Variants in WWP2 observed in about 807,000 individuals in gnomAD.
The protein encoded by WWP2 is NEDD4-like E3 ubiquitin-protein ligase WWP2.
WWP2 carries 57 observed loss-of-function variants against 121.0 expected under a neutral mutation model. That is an observed-to-expected ratio of 0.47 (90% CI 0.38 to 0.59). WWP2 has a LOEUF of 0.59. Ranked by LOEUF, WWP2 falls within the 20% of genes least tolerant of loss-of-function variation. The pLI, the probability that WWP2 is intolerant of heterozygous loss-of-function variation, is 0.00. For missense variants in WWP2, 962 were observed against 1,158.9 expected (o/e 0.83, Z 2.47); for synonymous variants, 449 against 441.3 (o/e 1.02, Z -0.22).
intron 2 of WWP2, among the ~76,000 whole-genome samples, chr16:69,791,445 C>T (rs1476071991): frequency 1.3e-5 from 2 of 152,126 alleles, no homozygotes; most frequent in East Asian, 3.9e-4. Context: ...TCAGGCTGGT[C>T]TCAAACTCCT....
At chr16:69,917,988 GTCTGGCAACGTCAGTGC>G in intron 10 of WWP2, 105 bp downstream of exon 10, 3 of 1,380,114 alleles carry the variant, frequency 2.2e-6, no homozygotes, top group Non-Finnish European at 2.9e-6. Context: ...GGAAAACAGC[GTCTGGCAACGTCAGTGC>G]TCTGCCCCTG....
chr16:69,914,187 C>T lies in WWP2; in HGVS notation c.1005-3522C>T, dbSNP rs144330002. Among the ~76,000 whole-genome samples the T allele has an allele frequency of 6.1e-4, 91 of 149,912 alleles. 2 individuals are homozygous for T. The highest frequency in any genetic ancestry group is 2.0e-3 in the African/African-American group (81 of 40,630). ...AGAATAGTTCTTTAGCAAGAACTTGCGGAATAGCAGGAAAGAACAGAGAAA... is the reference window on the plus strand; with the variant it reads ...AGAATAGTTCTTTAGCAAGAACTTGTGGAATAGCAGGAAAGAACAGAGAAA... On this transcript the variant is annotated intron_variant, in intron 9 of 23. Transcript: ENST00000359154.
At chr16:69,931,417 C>G in intron 14 of WWP2, 92 bp from the exon 15 acceptor site, 1 of 1,559,418 alleles carries the variant, frequency 6.4e-7, no homozygotes, top group Non-Finnish European at 8.8e-7. Flanking sequence ...GCCTCCTGGC[C>G]CAGCAGGCTG....
At chr16:69,874,867 A>G (rs1171498051) in intron 7 of WWP2, among the ~76,000 whole-genome samples, 4 of 152,126 alleles carry the variant, frequency 2.6e-5, no homozygotes, top group Non-Finnish European at 4.4e-5. Flanking sequence ...TTATAAAATT[A>G]GGGCAAAAGT....
intron 7 of WWP2, among the ~76,000 whole-genome samples, chr16:69,886,859 C>G (rs561503264): frequency 1.3e-5 from 2 of 152,308 alleles, no homozygotes; most frequent in East Asian, 3.9e-4. Flanking sequence ...CACGAAGAAT[C>G]TGGATAGCCA....
chr16:69,918,870 G>A (rs2058514292), intron 10 of WWP2, among the ~76,000 whole-genome samples: 1 of 144,148 alleles, frequency 6.9e-6, no homozygotes, highest in African/African-American at 2.6e-5. Flanking sequence ...TTGAGATGGA[G>A]TCTTGCTCTG....
chr16:69,863,032 A>G (rs1243318044), intron 6 of WWP2, among the ~76,000 whole-genome samples: 1 of 152,120 alleles, frequency 6.6e-6, no homozygotes, highest in Admixed American at 6.6e-5. Context: ...CGGCCTAGCC[A>G]TGAATTCTCG....
At chr16:69,776,378 G>T (rs1291220654) in intron 1 of WWP2, 1 of 152,182 alleles carries the variant, frequency 6.6e-6, no homozygotes, top group Non-Finnish European at 1.5e-5. Flanking sequence ...ATCTTGTAAA[G>T]AAGGATTTTT....
intron 1 of WWP2, among the ~76,000 whole-genome samples, chr16:69,764,398 G>T (rs1190359590): frequency 6.6e-6 from 1 of 152,036 alleles, no homozygotes; most frequent in Non-Finnish European, 1.5e-5. Flanking sequence ...TTGCTATGTT[G>T]CCCGGGCTGT....
chr16:69,845,124 G>C (rs1409295998), intron 6 of WWP2, among the ~76,000 whole-genome samples: 2 of 152,138 alleles, frequency 1.3e-5, no homozygotes, highest in African/African-American at 4.8e-5. Flanking sequence ...AAACCTCTCG[G>C]ATCCCCAGTT....
intron 1 of WWP2, chr16:69,783,040 T>C (rs1321519486): frequency 6.9e-6 from 1 of 144,348 alleles, no homozygotes; most frequent in Non-Finnish European, 1.5e-5. Flanking sequence ...AGATGGAGTC[T>C]CACTCTCTCC....
intron 8 of WWP2, among the ~76,000 whole-genome samples, chr16:69,890,633 G>T (rs938176501): frequency 6.6e-6 from 1 of 152,124 alleles, no homozygotes; most frequent in East Asian, 1.9e-4. Flanking sequence ...TCCGCTGAGC[G>T]AATGCCTGGA....
intron 4 of WWP2, among the ~76,000 whole-genome samples, chr16:69,802,488 A>T (rs2151818473): frequency 6.6e-6 from 1 of 152,138 alleles, no homozygotes; most frequent in African/African-American, 2.4e-5. Flanking sequence ...CAGGTAGCTT[A>T]TGTTAGTGGA....
chr16:69,807,314 C>CA (rs2056299719), intron 4 of WWP2, among the ~76,000 whole-genome samples: 1 of 152,084 alleles, frequency 6.6e-6, no homozygotes, highest in African/African-American at 2.4e-5. Flanking sequence ...GGATTACAGG[C>CA]GTGAGCCACC....
chr16:69,906,427 C>G (rs530859118), intron 8 of WWP2, among the ~76,000 whole-genome samples: 1 of 152,266 alleles, frequency 6.6e-6, no homozygotes, highest in East Asian at 1.9e-4. Context: ...AGTCCACTAA[C>G]CAGACATCCC....
intron 1 of WWP2, among the ~76,000 whole-genome samples, chr16:69,762,601 C>T (rs2038637674): frequency 1.3e-5 from 2 of 151,298 alleles, no homozygotes; most frequent in South Asian, 4.2e-4. Flanking sequence ...CGCCGCGGCC[C>T]GCGCGGGGGT....
intron 16 of WWP2, chr16:69,932,999 C>T (rs965682755): frequency 3.6e-5 from 17 of 472,600 alleles, no homozygotes; most frequent in African/African-American, 1.8e-4. Flanking sequence ...GCGCTGGCCC[C>T]GTGGATGGAT....
chr16:69,838,989 C>CT (rs2056925924), intron 4 of WWP2: 1 of 435,700 alleles, frequency 2.3e-6, no homozygotes, highest in Non-Finnish European at 2.8e-6. Context: ...TTAGAGCAGT[C>CT]TTTTTTGGGG....
chr16:69,878,855 A>G (rs188371257), intron 7 of WWP2, among the ~76,000 whole-genome samples: 36 of 152,310 alleles, frequency 2.4e-4, no homozygotes, highest in Admixed American at 2.2e-3. Flanking sequence ...AAGACAAAGG[A>G]TGTGAATTTT....
Sources: allele counts gnomAD v4.1 joint callset (sites outside exome capture counted in the v4.1 genomes callset), GRCh38; gene constraint gnomAD v4.1.1; transcripts MANE v1.5; gene names NCBI Gene and HGNC (gene_info 2026-07-23, HGNC 2026-07-21).